Variants in SHISA9 observed in about 807,000 individuals in gnomAD.
SHISA9 encodes protein shisa-9.
SHISA9 carries 13 observed loss-of-function variants against 38.0 expected under a neutral mutation model. That is an observed-to-expected ratio of 0.34 (90% CI 0.22 to 0.54). The LOEUF is 0.54. Ranked by LOEUF, SHISA9 falls within the 20% of genes least tolerant of loss-of-function variation. The probability of loss-of-function intolerance (pLI) is 0.91; values close to 1 mark genes in which losing one functional copy is unlikely to be tolerated. For synonymous variants in SHISA9, 275 were observed against 242.0 expected, an observed-to-expected ratio of 1.14 and a Z score of -1.27; for missense variants, 538 against 575.8, an observed-to-expected ratio of 0.93 and a Z score of 0.67.
the SHISA9 span, among the ~76,000 whole-genome samples, chr16:13,425,742 C>G: frequency 1.3e-5 from 2 of 152,240 alleles, no homozygotes; most frequent in African/African-American, 2.4e-5. Context: ...AGAGTTTTAA[C>G]TTCCTGTTGT....
chr16:13,525,035 A>T, the SHISA9 span, among the ~76,000 whole-genome samples: 1 of 152,176 alleles, frequency 6.6e-6, no homozygotes, highest in African/African-American at 2.4e-5. Context: ...ATAGTTCTCA[A>T]ACTATCTCAA....
the SHISA9 span, among the ~76,000 whole-genome samples, chr16:13,434,662 CCCACCT>C: frequency 6.6e-6 from 1 of 152,116 alleles, no homozygotes; most frequent in Non-Finnish European, 1.5e-5. Flanking sequence ...TCGTGATCCG[CCCACCT>C]CGGCGTCCCA....
At chr16:13,444,432 GAA>G in the SHISA9 span, among the ~76,000 whole-genome samples, 2 of 151,282 alleles carry the variant, frequency 1.3e-5, no homozygotes, top group African/African-American at 2.4e-5. Flanking sequence ...AGGAAGGAAG[GAA>G]GGAAGGGAGG....
chr16:13,080,155 C>T lies in SHISA9; in HGVS notation c.692-123239C>T, dbSNP rs143026253. ...TTGGGAGGCCGAGGCAGGAGGATCA[C>T]GAGGTCAGGAGATTGAGACCATCCT... On this transcript the variant is annotated intron_variant, in intron 2 of 4. Transcript: ENST00000558583. Among the ~76,000 whole-genome samples the T allele has an allele frequency of 1.8e-3, 276 of 152,192 alleles. 1 individual carries two copies. The highest frequency in any genetic ancestry group is 6.3e-3 in the African/African-American group (260 of 41,534).
chr16:13,395,098 C>G, the SHISA9 span, among the ~76,000 whole-genome samples: 1 of 152,090 alleles, frequency 6.6e-6, no homozygotes, highest in East Asian at 1.9e-4. Flanking sequence ...AAATGTTCCT[C>G]CAGAATGAGT....
the SHISA9 span, among the ~76,000 whole-genome samples, chr16:13,287,426 C>A: frequency 6.6e-6 from 1 of 152,098 alleles, no homozygotes; most frequent in African/African-American, 2.4e-5. Flanking sequence ...TGGAGAACAA[C>A]TAAGCTGAAA....
chr16:13,017,557 CATT>C (rs1397666741), intron 2 of SHISA9, among the ~76,000 whole-genome samples: 1 of 150,348 alleles, frequency 6.7e-6, no homozygotes, highest in Non-Finnish European at 1.5e-5. Flanking sequence ...ATGATATCAT[CATT>C]ATCAACAACA....
chr16:13,105,846 A>G (rs1422311882), intron 2 of SHISA9, among the ~76,000 whole-genome samples: 1 of 152,172 alleles, frequency 6.6e-6, no homozygotes, highest in Non-Finnish European at 1.5e-5. Context: ...GTTGAGGAAC[A>G]TTGAGCATGT....
At chr16:13,556,181 C>T in the SHISA9 span, among the ~76,000 whole-genome samples, 1 of 152,162 alleles carries the variant, frequency 6.6e-6, no homozygotes, top group Non-Finnish European at 1.5e-5. Context: ...CAGTTTTGTA[C>T]TAAACATGTT....
chr16:13,428,765 G>GTTTTTTTTT, the SHISA9 span, among the ~76,000 whole-genome samples: 1 of 79,358 alleles, frequency 1.3e-5, no homozygotes, highest in African/African-American at 4.1e-5. Flanking sequence ...TTATTTTATT[G>GTTTTTTTTT]TTTTATTGTT....
intron 3 of SHISA9, among the ~76,000 whole-genome samples, chr16:13,205,059 T>C (rs2051050907): frequency 6.6e-6 from 1 of 152,176 alleles, no homozygotes; most frequent in Non-Finnish European, 1.5e-5. Context: ...CAGGGTTCCC[T>C]AAATCAATGG....
At chr16:13,152,974 G>A (rs547792994) in intron 2 of SHISA9, among the ~76,000 whole-genome samples, 1 of 152,192 alleles carries the variant, frequency 6.6e-6, no homozygotes, top group African/African-American at 2.4e-5. Flanking sequence ...GGCGAGGTAG[G>A]TAGAAGAGTG....
the SHISA9 span, among the ~76,000 whole-genome samples, chr16:13,488,668 A>G: frequency 2.2e-5 from 3 of 137,778 alleles, no homozygotes; most frequent in Non-Finnish European, 5.1e-5. Context: ...GTAGTAGGTG[A>G]TATCATCTAA....
the SHISA9 span, among the ~76,000 whole-genome samples, chr16:13,436,759 T>G: frequency 6.8e-6 from 1 of 147,494 alleles, no homozygotes; most frequent in African/African-American, 2.6e-5. Context: ...TGACACACAG[T>G]CAGAGATGTT....
At chr16:13,158,193 T>C (rs1398104491) in intron 2 of SHISA9, among the ~76,000 whole-genome samples, 1 of 152,160 alleles carries the variant, frequency 6.6e-6, no homozygotes, top group Non-Finnish European at 1.5e-5. Context: ...AGTGTAGCCA[T>C]AATGGAGAAG....
At chr16:13,556,672 A>G in the SHISA9 span, among the ~76,000 whole-genome samples, 1 of 152,132 alleles carries the variant, frequency 6.6e-6, no homozygotes, top group African/African-American at 2.4e-5. Context: ...CAAAAAAATA[A>G]AAAATAAAAT....
the SHISA9 span, among the ~76,000 whole-genome samples, chr16:13,357,239 G>A: frequency 6.6e-6 from 1 of 152,200 alleles, no homozygotes; most frequent in African/African-American, 2.4e-5. Context: ...CGCTAAGGGT[G>A]AAGTCCGTGA....
intron 2 of SHISA9, among the ~76,000 whole-genome samples, chr16:12,927,344 G>T (rs1467520411): frequency 2.0e-5 from 3 of 152,088 alleles, no homozygotes; most frequent in Non-Finnish European, 1.5e-5. Flanking sequence ...TAGGTATTAG[G>T]TCTGGAGTTG....
chr16:13,471,241 G>C, the SHISA9 span, among the ~76,000 whole-genome samples: 1 of 152,208 alleles, frequency 6.6e-6, no homozygotes, highest in African/African-American at 2.4e-5. Context: ...GGAACTGTCC[G>C]CCACAGCAGT....
Sources: gnomAD v4.1 joint callset for allele counts (sites outside exome capture counted in the v4.1 genomes callset) on GRCh38, gnomAD v4.1.1 for gene constraint, MANE v1.5 for transcripts, NCBI Gene and HGNC (gene_info 2026-07-23, HGNC 2026-07-21) for gene names.